The following BCL2 variants were observed in gnomAD, a reference collection of about 807,000 sequenced individuals.
The protein encoded by BCL2 is apoptosis regulator Bcl-2.
In BCL2, 1 loss-of-function variant was observed where a neutral mutation model predicts 14.2. The observed-to-expected ratio is 0.07, with a 90% CI of 0.02 to 0.33. The LOEUF is 0.33. Ranked by LOEUF, BCL2 falls within the 10% of genes least tolerant of loss-of-function variation. The probability of loss-of-function intolerance (pLI) is 0.99; values close to 1 mark genes in which losing one functional copy is unlikely to be tolerated. For synonymous variants in BCL2, 151 were observed against 137.2 expected, an observed-to-expected ratio of 1.10 and a Z score of -0.70; for missense variants, 247 against 305.9, an observed-to-expected ratio of 0.81 and a Z score of 1.44.
chr18:63,260,107 T>C (rs1452566694), intron 2 of BCL2, among the ~76,000 whole-genome samples: 1 of 152,226 alleles, frequency 6.6e-6, no homozygotes, highest in Non-Finnish European at 1.5e-5. Flanking sequence ...TCTGCTTTTT[T>C]TTTTCTTGGT....
intron 2 of BCL2, among the ~76,000 whole-genome samples, chr18:63,218,760 C>CCATTCACTCCTCCCAT (rs111996677): frequency 6.2e-4 from 4 of 6,488 alleles, no homozygotes; most frequent in East Asian, 3.0e-3. Flanking sequence ...CCACTCATCC[C>CCATTCACTCCTCCCAT]CCTCTACTCA....
At chr18:63,280,992 A>G (rs1355997334) in intron 2 of BCL2, among the ~76,000 whole-genome samples, 1 of 152,214 alleles carries the variant, frequency 6.6e-6, no homozygotes, top group East Asian at 1.9e-4. Flanking sequence ...TCAATGGAAT[A>G]TCATTCAGCC....
At chr18:63,190,557 C>A (rs1322120662) in intron 2 of BCL2, among the ~76,000 whole-genome samples, 1 of 152,202 alleles carries the variant, frequency 6.6e-6, no homozygotes, top group Non-Finnish European at 1.5e-5. Flanking sequence ...GGCAGGGACA[C>A]AACTGCCACC....
chr18:63,170,116 G>A (rs1360201218), intron 2 of BCL2, among the ~76,000 whole-genome samples: 1 of 152,068 alleles, frequency 6.6e-6, no homozygotes, highest in Non-Finnish European at 1.5e-5. Flanking sequence ...GCTGCTAAAT[G>A]CCTCTGTGCC....
chr18:63,207,492 A>G (rs1028726651), intron 2 of BCL2: 7 of 147,502 alleles, frequency 4.7e-5, no homozygotes, highest in Admixed American at 3.4e-4. Flanking sequence ...GTATTTCCGG[A>G]AGACCAAGGG....
intron 2 of BCL2, among the ~76,000 whole-genome samples, chr18:63,267,749 C>T (rs1911874947): frequency 6.6e-6 from 1 of 152,122 alleles, no homozygotes. Flanking sequence ...AGGGAGCTGC[C>T]ACCAATGGTC....
rs76016239 is a variant in BCL2 at position 63,221,319 on chromosome 18, T to C, written c.586-92560A>G. Among the ~76,000 whole-genome samples the C allele has an allele frequency of 9.2e-3, 1,403 of 152,302 alleles. 17 individuals carry two copies. Among genetic ancestry groups the C allele is most frequent in the African/African-American group, 0.032 (1,337 of 41,566 alleles). ...ACACAAAATTAGATGTGAGTGTTCA[T>C]TTTCAGCAAAATGGCAAACAACAGG... On this transcript the variant is annotated intron_variant, in intron 2 of 2. Coordinates refer to ENST00000333681, the MANE Select transcript of BCL2 (RefSeq NM_000633.3).
intron 2 of BCL2, among the ~76,000 whole-genome samples, chr18:63,304,738 C>T (rs74957309): frequency 0.031 from 4,716 of 152,146 alleles, 96 homozygotes; most frequent in Non-Finnish European, 0.048. Flanking sequence ...TGGTCCAATG[C>T]GGCATTTTCT....
At chr18:63,299,042 T>A (rs955099744) in intron 2 of BCL2, among the ~76,000 whole-genome samples, 2 of 152,182 alleles carry the variant, frequency 1.3e-5, no homozygotes, top group African/African-American at 4.8e-5. Flanking sequence ...CTCAGTGTTC[T>A]CATCTGCAAG....
At chr18:63,143,507 A>G (rs975296544) in intron 2 of BCL2, among the ~76,000 whole-genome samples, 10 of 152,186 alleles carry the variant, frequency 6.6e-5, no homozygotes, top group Non-Finnish European at 8.8e-5. Context: ...CCCCTGGGAG[A>G]TCCACTTCCA....
At chr18:63,254,634 T>A (rs1397944669) in intron 2 of BCL2, among the ~76,000 whole-genome samples, 1 of 152,160 alleles carries the variant, frequency 6.6e-6, no homozygotes, top group Non-Finnish European at 1.5e-5. Flanking sequence ...ACCAGTTTTT[T>A]ATAGCCCAAC....
chr18:63,287,097 C>A (rs527459048), intron 2 of BCL2, among the ~76,000 whole-genome samples: 1 of 152,144 alleles, frequency 6.6e-6, no homozygotes, highest in Admixed American at 6.5e-5. Flanking sequence ...TCTACTACCC[C>A]CTTCTTGGAT....
intron 2 of BCL2, among the ~76,000 whole-genome samples, chr18:63,196,248 AG>A (rs1909442139): frequency 6.6e-6 from 1 of 152,232 alleles, no homozygotes; most frequent in South Asian, 2.1e-4. Context: ...GAAATATTTC[AG>A]AGTAAGAGGA....
At chr18:63,241,527 T>A (rs957206648) in intron 2 of BCL2, among the ~76,000 whole-genome samples, 1 of 152,190 alleles carries the variant, frequency 6.6e-6, no homozygotes, top group African/African-American at 2.4e-5. Flanking sequence ...GGTCTGGTGC[T>A]AGGTCATGCT....
chr18:63,165,064 A>C (rs182439746), intron 2 of BCL2, among the ~76,000 whole-genome samples: 213 of 151,870 alleles, frequency 1.4e-3, no homozygotes, highest in African/African-American at 4.6e-3. Context: ...TAAAACTTAA[A>C]GTATAATAAT....
chr18:63,267,017 A>T (rs986260819), intron 2 of BCL2, among the ~76,000 whole-genome samples: 8 of 152,218 alleles, frequency 5.3e-5, no homozygotes, highest in African/African-American at 1.9e-4. Context: ...AAGCAGGGGA[A>T]ACAGAGAGTG....
At position 63,125,071 on chromosome 18, in the gene BCL2, C is replaced by G; in HGVS notation, c.*3554G>C. The G allele has an allele frequency of 4.5e-6, 1 of 221,602 alleles. No individual in the cohort carries two copies. The highest frequency in any genetic ancestry group is 9.0e-6 in the Non-Finnish European group (1 of 110,758). 13.7% of individuals were successfully genotyped at this position (221,602 alleles called of 1,614,324 possible). ...GAAAGCTAGACATGTGTTGGGATTG[C>G]CCTGATTATTTACATTTAATCTTGA... On this transcript the variant is annotated 3_prime_UTR_variant, in exon 3 of 3. Coordinates refer to ENST00000333681, the MANE Select transcript of BCL2 (RefSeq NM_000633.3).
chr18:63,263,187 G>A (rs981646564), intron 2 of BCL2, among the ~76,000 whole-genome samples: 4 of 152,102 alleles, frequency 2.6e-5, no homozygotes, highest in African/African-American at 4.8e-5. Flanking sequence ...GTGTGCGGGG[G>A]GTGCAGTGCA....
intron 2 of BCL2, among the ~76,000 whole-genome samples, chr18:63,157,013 A>G (rs765487436): frequency 6.6e-6 from 1 of 152,230 alleles, no homozygotes; most frequent in African/African-American, 2.4e-5. Context: ...CCCTTTTTCA[A>G]ATTTCAACAG....
Sources: gnomAD v4.1 joint callset for allele counts (sites outside exome capture counted in the v4.1 genomes callset) on GRCh38, gnomAD v4.1.1 for gene constraint, MANE v1.5 for transcripts, NCBI Gene and HGNC (gene_info 2026-07-23, HGNC 2026-07-21) for gene names.